The following CACNB2 variants were observed in gnomAD, a reference collection of about 807,000 sequenced individuals.
CACNB2 encodes voltage-dependent L-type calcium channel subunit beta-2.
In CACNB2, 42 loss-of-function variants were observed where a neutral mutation model predicts 73.3. The observed-to-expected ratio is 0.57, with a 90% confidence interval of 0.45 to 0.74. The LOEUF (loss-of-function observed/expected upper bound fraction) is 0.74, where lower values mean the gene tolerates loss of function less well. CACNB2 is among the 30% of genes least tolerant of loss of function. The pLI is 0.00. For missense variants in CACNB2, 940 were observed against 853.0 expected (o/e 1.10, Z -1.27); for synonymous variants, 348 against 310.3 (o/e 1.12, Z -1.28).
intron 2 of CACNB2, among the ~76,000 whole-genome samples, chr10:18,390,776 AAT>A (rs1404095778): frequency 6.6e-6 from 1 of 152,244 alleles, no homozygotes; most frequent in Non-Finnish European, 1.5e-5. Context: ...TCACTCACAC[AAT>A]ATGTTATATT....
intron 3 of CACNB2, among the ~76,000 whole-genome samples, chr10:18,443,030 A>G (rs1284222542): frequency 6.6e-5 from 9 of 135,568 alleles, no homozygotes; most frequent in Admixed American, 7.8e-5. Context: ...ATATATATAT[A>G]TATATAAATA....
chr10:18,384,523 C>T (rs891557049), intron 2 of CACNB2, among the ~76,000 whole-genome samples: 2 of 151,638 alleles, frequency 1.3e-5, no homozygotes, highest in African/African-American at 2.4e-5. Flanking sequence ...CTCAGGACTT[C>T]GAGACTACCC....
chr10:18,452,844 T>A (rs2047080340), intron 3 of CACNB2, among the ~76,000 whole-genome samples: 1 of 152,252 alleles, frequency 6.6e-6, no homozygotes, highest in African/African-American at 2.4e-5. Context: ...TGAGTATACC[T>A]GGTAGATTCT....
intron 2 of CACNB2, among the ~76,000 whole-genome samples, chr10:18,172,867 A>T (rs1300536041): frequency 3.3e-5 from 5 of 151,302 alleles, no homozygotes; most frequent in African/African-American, 1.2e-4. Context: ...CACATTGGGC[A>T]AGTTACTTAA....
chr10:18,515,871 C>A (rs2051223978), intron 7 of CACNB2, among the ~76,000 whole-genome samples: 1 of 152,200 alleles, frequency 6.6e-6, no homozygotes, highest in Admixed American at 6.5e-5. Flanking sequence ...GTTTGCTTAC[C>A]TTTAAATTCT....
intron 3 of CACNB2, among the ~76,000 whole-genome samples, chr10:18,493,030 TACA>T (rs967567799): frequency 6.6e-6 from 1 of 152,126 alleles, no homozygotes; most frequent in African/African-American, 2.4e-5. Flanking sequence ...AAAAAAAAAT[TACA>T]ACAATAAGAA....
intron 2 of CACNB2, among the ~76,000 whole-genome samples, chr10:18,296,024 T>TA (rs1429331923): frequency 4.6e-5 from 5 of 107,694 alleles, no homozygotes; most frequent in East Asian, 4.7e-4. Context: ...TTTTTTTTTT[T>TA]ACCCTCCGTG....
chr10:18,219,087 C>T (rs2035625654), intron 2 of CACNB2, among the ~76,000 whole-genome samples: 1 of 152,128 alleles, frequency 6.6e-6, no homozygotes, highest in Non-Finnish European at 1.5e-5. Flanking sequence ...ATTGCTTGAG[C>T]CTGGGAGGTC....
chr10:18,322,796 G>A (rs906634732), intron 2 of CACNB2, among the ~76,000 whole-genome samples: 4 of 151,766 alleles, frequency 2.6e-5, no homozygotes, highest in African/African-American at 9.7e-5. Flanking sequence ...GACTTGTAGT[G>A]CTTTTACATG....
chr10:18,426,646 C>T lies in CACNB2; in HGVS notation c.333+24603C>T, dbSNP rs376420703. Among the ~76,000 whole-genome samples, 7 of 152,212 alleles carry T rather than the reference C, an allele frequency of 4.6e-5. No individual in the cohort carries two copies. The East Asian group carries it at 1.4e-3, about 29-fold the overall frequency. On this transcript the variant is annotated intron_variant, in intron 3 of 13. Coordinates refer to ENST00000324631, the MANE Select transcript of CACNB2 (RefSeq NM_201596.3). ...CCTGAGGCCAGGAGTTCAAGACTAGCCTGGGCAACCTGGCGAGAATGTGTC... is the reference window on the plus strand; with the variant it reads ...CCTGAGGCCAGGAGTTCAAGACTAGTCTGGGCAACCTGGCGAGAATGTGTC...
intron 3 of CACNB2, among the ~76,000 whole-genome samples, chr10:18,496,809 C>T (rs1304059894): frequency 4.6e-5 from 5 of 108,840 alleles, no homozygotes; most frequent in African/African-American, 1.2e-4. Flanking sequence ...AGCGAAACTC[C>T]GCCTCAAAAA....
intron 1 of CACNB2, among the ~76,000 whole-genome samples, chr10:18,148,909 C>G (rs2031251846): frequency 6.6e-6 from 1 of 150,890 alleles, no homozygotes; most frequent in African/African-American, 2.4e-5. Context: ...GGGAGGATTG[C>G]TTGAGCCCAG....
At chr10:18,311,298 G>A (rs1564425923) in intron 2 of CACNB2, among the ~76,000 whole-genome samples, 1 of 152,098 alleles carries the variant, frequency 6.6e-6, no homozygotes, top group Non-Finnish European at 1.5e-5. Context: ...GGGTTCCTCT[G>A]GAATCTTTTA....
At chr10:18,534,361 A>G in intron 11 of CACNB2, 134 bp downstream of exon 11, 1 of 798,506 alleles carries the variant, frequency 1.3e-6, no homozygotes, top group Non-Finnish European at 2.1e-6. Context: ...GATAGTCAAG[A>G]ATTTTTAAAT....
intron 3 of CACNB2, among the ~76,000 whole-genome samples, chr10:18,477,893 A>AT (rs913719981): frequency 7.3e-5 from 11 of 151,100 alleles, no homozygotes; most frequent in African/African-American, 2.2e-4. Context: ...TTTCAGCTTC[A>AT]TTTTTTTTTC....
intron 3 of CACNB2, among the ~76,000 whole-genome samples, chr10:18,438,995 G>A (rs2046287617): frequency 6.6e-6 from 1 of 152,230 alleles, no homozygotes; most frequent in Non-Finnish European, 1.5e-5. Context: ...GTAAACTGAA[G>A]GTCATCGGGG....
intron 1 of CACNB2, chr10:18,141,112 C>G (rs927454366): frequency 8.4e-6 from 13 of 1,549,456 alleles, no homozygotes; most frequent in Non-Finnish European, 1.0e-5. Context: ...GCCAGTCCTC[C>G]CAGACTTCTC....
chr10:18,458,422 G>A (rs1262929103), intron 3 of CACNB2, among the ~76,000 whole-genome samples: 1 of 152,132 alleles, frequency 6.6e-6, no homozygotes, highest in Non-Finnish European at 1.5e-5. Flanking sequence ...TATGAGGATG[G>A]GAATTGTGTC....
At chr10:18,397,968 T>C (rs942399232) in intron 2 of CACNB2, among the ~76,000 whole-genome samples, 1 of 152,132 alleles carries the variant, frequency 6.6e-6, no homozygotes, top group African/African-American at 2.4e-5. Flanking sequence ...TGAAATGTGA[T>C]GCACTGACAA....
Sources: allele counts gnomAD v4.1 joint callset (sites outside exome capture counted in the v4.1 genomes callset), GRCh38; gene constraint gnomAD v4.1.1; transcripts MANE v1.5; gene names NCBI Gene and HGNC (gene_info 2026-07-23, HGNC 2026-07-21).